The following CACNA2D4 variants were observed in gnomAD, a reference collection of about 807,000 sequenced individuals.
The protein encoded by CACNA2D4 is voltage-dependent calcium channel subunit alpha-2/delta-4.
In CACNA2D4, 157 loss-of-function variants were observed where a neutral mutation model predicts 163.8. That is an observed-to-expected ratio of 0.96 (90% CI 0.84 to 1.09). The LOEUF is 1.09. CACNA2D4 is among the 50% of genes least tolerant of loss of function. The probability of loss-of-function intolerance (pLI) is 0.00; values close to 1 mark genes in which losing one functional copy is unlikely to be tolerated. For missense variants in CACNA2D4, 1,410 were observed against 1,479.9 expected, an observed-to-expected ratio of 0.95 and a Z score of 0.78; for synonymous variants, 598 against 586.9, an observed-to-expected ratio of 1.02 and a Z score of -0.27.
Position 1,795,785 on chromosome 12 carries a change from A to C in CACNA2D4, c.3114-5T>G. On this transcript the variant is annotated splice_polypyrimidine_tract_variant and splice_region_variant and intron_variant, in intron 35 of 37. Transcript: ENST00000382722. ...ATCTGCTGCACCACAAATACCCTGC[A>C]GCAAAGAAAGGGAGTCGAGGATGGC... 2 of 1,585,650 alleles carry C rather than the reference A, an allele frequency of 1.3e-6. No homozygotes were observed. The highest frequency in any genetic ancestry group is 8.7e-7 in the Non-Finnish European group (1 of 1,153,990).
At chr12:1,803,360 T>C (rs7300241) in intron 29 of CACNA2D4, among the ~76,000 whole-genome samples, 90,982 of 152,146 alleles carry the variant, frequency 0.6, 27,958 homozygotes, top group Non-Finnish European at 0.69. Context: ...ACCCCAGAAC[T>C]GTTATGCCCA....
rs759939564 is a variant in CACNA2D4 at position 1,913,034 on chromosome 12, C to G, written c.415G>C (p.Glu139Gln). The change falls in exon 3 of 38, where the codon GAG becomes CAG. Residue 139 changes from glutamate (E) to glutamine (Q), a missense_variant. Coordinates refer to ENST00000382722, the MANE Select transcript of CACNA2D4 (RefSeq NM_172364.5). ...DMENMLRRKV[E>Q]AVQNLVEAAE... ...CAGGCCTGGAGTACCTGGACCGCCT[C>G]GACTTTCCTCCGCAGCATGTTCTCC... 6.2e-7 allele frequency: 1 copy of G among 1,611,970 alleles called. No individual in the cohort carries two copies. Among genetic ancestry groups the G allele is most frequent in the Admixed American group, 1.7e-5 (1 of 59,996 alleles).
chr12:1,916,735 T>C (rs1201255917), intron 1 of CACNA2D4, among the ~76,000 whole-genome samples: 2 of 152,060 alleles, frequency 1.3e-5, no homozygotes, highest in African/African-American at 4.8e-5. Flanking sequence ...GTCTCCTGGA[T>C]TGGGCATGAG....
rs563476794 is a variant in CACNA2D4, at chr12:1,843,215, G to A, written c.2470+1187C>T. 1.3e-5 allele frequency among the ~76,000 whole-genome samples: 2 copies of A among 152,328 alleles called. No individual in the cohort carries two copies. The highest frequency in any genetic ancestry group is 4.1e-4 in the South Asian group (2 of 4,830). ...CACCAGGTGAGGAAGGCGGGATTCC[G>A]GAGGGGGCGGGGTGGAGCTCCTCCC... On this transcript the variant is annotated intron_variant, in intron 25 of 37. Coordinates refer to ENST00000382722, the MANE Select transcript of CACNA2D4 (RefSeq NM_172364.5). The surrounding 1 kb of genome is among the most constrained non-coding windows in gnomAD (Gnocchi z 4.6).
intron 31 of CACNA2D4, 74 bp downstream of exon 31, chr12:1,800,969 C>A (rs2154445297): frequency 7.2e-7 from 1 of 1,395,304 alleles, no homozygotes. Context: ...GAACAGGGAC[C>A]AGTGACCTCA....
Position 1,874,560 on chromosome 12 carries a change from A to C in CACNA2D4, c.1878+44T>G. 1 of 1,357,986 alleles carries C rather than the reference A, an allele frequency of 7.4e-7. No individual in the cohort carries two copies. The highest frequency in any genetic ancestry group is 1.4e-5 in the African/African-American group (1 of 69,720). 84.1% of individuals were successfully genotyped at this position (1,357,986 alleles called of 1,614,324 possible). A position where few individuals can be genotyped will look rare whatever the true frequency, so the allele number is the denominator to read the frequency against. On this transcript the variant is annotated intron_variant, in intron 18 of 37. Coordinates refer to ENST00000382722, the MANE Select transcript of CACNA2D4 (RefSeq NM_172364.5). The surrounding 1 kb of genome is among the most constrained non-coding windows in gnomAD (Gnocchi z 4.4). ...TCACTACTCCAAACCCAATTAATGAAGATGCCTTCCTAGGCCATGCCCTGG... is the reference window on the plus strand; with the variant it reads ...TCACTACTCCAAACCCAATTAATGACGATGCCTTCCTAGGCCATGCCCTGG...
intron 6 of CACNA2D4, among the ~76,000 whole-genome samples, chr12:1,899,063 T>A (rs1866477775): frequency 6.6e-6 from 1 of 152,154 alleles, no homozygotes; most frequent in Non-Finnish European, 1.5e-5. Context: ...ATAAGTTCAC[T>A]TAAAATGGTT....
chr12:1,900,770 C>T (rs1866518600), intron 6 of CACNA2D4, among the ~76,000 whole-genome samples: 1 of 152,138 alleles, frequency 6.6e-6, no homozygotes, highest in Non-Finnish European at 1.5e-5. Flanking sequence ...CTTCAACACC[C>T]CATTTTCAGC....
At chr12:1,816,173 T>C (rs973699428) in intron 26 of CACNA2D4, among the ~76,000 whole-genome samples, 8 of 152,160 alleles carry the variant, frequency 5.3e-5, no homozygotes, top group African/African-American at 1.9e-4. Context: ...CTTCCTCCCA[T>C]CATCTCCTGC....
chr12:1,853,298 T>G (rs537498832), intron 23 of CACNA2D4, among the ~76,000 whole-genome samples: 4 of 152,316 alleles, frequency 2.6e-5, no homozygotes, highest in African/African-American at 9.6e-5. Context: ...CTTTTTTCAA[T>G]AGGAGACTGT....
At chr12:1,810,648 A>G in intron 27 of CACNA2D4, 61 bp from the exon 28 acceptor site, 1 of 1,490,616 alleles carries the variant, frequency 6.7e-7, no homozygotes, top group Non-Finnish European at 9.2e-7. Context: ...TGGCACGTGT[A>G]AGTGGGAATG....
At chr12:1,879,117 G>A (rs1865940659) in intron 14 of CACNA2D4, 81 bp from the exon 15 acceptor site, 1 of 1,114,396 alleles carries the variant, frequency 9.0e-7, no homozygotes, top group Non-Finnish European at 1.4e-6. Flanking sequence ...CCTGTCCAGA[G>A]CCTGGAAGAG....
intron 37 of CACNA2D4, chr12:1,795,050 T>G: frequency 3.5e-6 from 2 of 577,606 alleles, no homozygotes; most frequent in South Asian, 2.3e-5. Flanking sequence ...GATGCACCTA[T>G]CACCCTAATC....
At position 1,874,664 on chromosome 12, in the gene CACNA2D4, G is replaced by A; in HGVS notation, c.1818C>T (p.Ala606=). 6.2e-7 allele frequency: 1 copy of A among 1,612,164 alleles called. No individual in the cohort carries two copies. Among genetic ancestry groups the A allele is most frequent in the Non-Finnish European group, 8.5e-7 (1 of 1,178,336 alleles). Residue 606 remains alanine, a synonymous_variant, in exon 18 of 38, where the codon GCC becomes GCT. Coordinates refer to ENST00000382722, the MANE Select transcript of CACNA2D4 (RefSeq NM_172364.5). This position sits in a 1 kb window ranked among gnomAD's most constrained non-coding sequence, Gnocchi z 4.4. The part of the protein sequence containing the change: ...WEDQAESLRT[A]MINRETGTLS... ...GAGTACCTGTTTCCCTATTGATCATGGCTGTTCTCAGCTTCAGGAGGAAAG... is the reference window on the plus strand; with the variant it reads ...GAGTACCTGTTTCCCTATTGATCATAGCTGTTCTCAGCTTCAGGAGGAAAG...
chr12:1,795,245 C>T (rs1253518994), intron 37 of CACNA2D4, 54 bp downstream of exon 37: 1 of 1,530,524 alleles, frequency 6.5e-7, no homozygotes, highest in East Asian at 2.3e-5. Flanking sequence ...GACCCAGGCA[C>T]AGAGGGTTTG....
intron 26 of CACNA2D4, among the ~76,000 whole-genome samples, chr12:1,839,216 G>C (rs1864957487): frequency 6.6e-6 from 1 of 152,232 alleles, no homozygotes; most frequent in African/African-American, 2.4e-5. Flanking sequence ...CAGGGCCTCG[G>C]TTACAAGGCA....
Position 1,881,261 on chromosome 12 carries a change from G to A in CACNA2D4, c.1486-1380C>T, listed in dbSNP as rs756567571. Among the ~76,000 whole-genome samples, 4 of 152,184 alleles carry A rather than the reference G, an allele frequency of 2.6e-5. No homozygotes were observed. The East Asian group carries it at 7.7e-4, about 29-fold the overall frequency. On this transcript the variant is annotated intron_variant, in intron 13 of 37. Coordinates refer to ENST00000382722, the MANE Select transcript of CACNA2D4 (RefSeq NM_172364.5). ...TCTGTGTGCGTGGAGGTAAGAGAGC[G>A]TCAGAAGGTCAGGCTGTCCATAGAA...
chr12:1,847,551 G>A (rs1335591903), intron 23 of CACNA2D4, among the ~76,000 whole-genome samples: 2 of 152,180 alleles, frequency 1.3e-5, no homozygotes, highest in African/African-American at 2.4e-5. Flanking sequence ...CTGTAGCCAG[G>A]GGGCTTGTAC....
At chr12:1,865,813 C>T (rs1316419784) in intron 18 of CACNA2D4, among the ~76,000 whole-genome samples, 2 of 152,328 alleles carry the variant, frequency 1.3e-5, no homozygotes, top group East Asian at 3.9e-4. Flanking sequence ...AAAAATATTC[C>T]ATTTTCTGTT....
Sources: gnomAD v4.1 joint callset for allele counts (sites outside exome capture counted in the v4.1 genomes callset) on GRCh38, gnomAD v4.1.1 for gene constraint, Gnocchi (gnomAD v3.1) non-coding constraint, MANE v1.5 for transcripts, NCBI Gene and HGNC (gene_info 2026-07-23, HGNC 2026-07-21) for gene names.